The following TMEM175 variants were observed in gnomAD, a reference collection of about 807,000 sequenced individuals.
The protein encoded by TMEM175 is endosomal/lysosomal proton channel TMEM175.
Under a neutral mutation model 36.5 loss-of-function variants are expected in TMEM175, and 36 were observed. That is an observed-to-expected ratio of 0.99 (90% CI 0.76 to 1.30). The LOEUF (loss-of-function observed/expected upper bound fraction) is 1.30, where lower values mean the gene tolerates loss of function less well. Ranked by LOEUF, TMEM175 falls within the 50% of genes most tolerant of loss-of-function variation. TMEM175 has a pLI of 0.00. For missense variants in TMEM175, 705 were observed against 692.8 expected, an observed-to-expected ratio of 1.02 and a Z score of -0.20; for synonymous variants, 339 against 313.4, an observed-to-expected ratio of 1.08 and a Z score of -0.86.
At chr4:938,396 C>CAGA (rs930935686) in intron 1 of TMEM175, among the ~76,000 whole-genome samples, 19 of 152,074 alleles carry the variant, frequency 1.2e-4, no homozygotes, top group African/African-American at 4.6e-4. Context: ...CCCAGCCACT[C>CAGA]AGGAGGCTGA....
At position 948,152 on chromosome 4, in the gene TMEM175, C is replaced by T; in HGVS notation, c.190C>T (p.Gln64Ter). The T allele has an allele frequency of 3.1e-6, 5 of 1,614,192 alleles. No individual in the cohort carries two copies. Among genetic ancestry groups the T allele is most frequent in the Non-Finnish European group, 3.4e-6 (4 of 1,180,052 alleles). ...GACCCACACGGAGATCTCCCCAGAA[C>T]AGGTAACGGGGCAGGCTGTGCTCTG... ...PVTHTEISPEQQFDRSVQRLL... is the reference protein window; with the variant it reads ...PVTHTEISPE Residue 64 changes from glutamine (Q) to a stop codon, truncating the protein, a stop_gained and splice_region_variant, in exon 3 of 11, where the codon CAG (glutamine) becomes TAG (stop). Transcript: ENST00000264771. LOFTEE classifies it high-confidence loss of function.
chr4:941,106 A>C (rs201984576), intron 1 of TMEM175, among the ~76,000 whole-genome samples: 1 of 148,134 alleles, frequency 6.8e-6, no homozygotes, highest in Non-Finnish European at 1.5e-5. Flanking sequence ...GGCCGGGTGC[A>C]GTGGCTCACG....
chr4:950,716 C>T (rs35901562), intron 4 of TMEM175, among the ~76,000 whole-genome samples, 198 bp downstream of exon 4: 2,312 of 51,426 alleles, frequency 0.045, 27 homozygotes, highest in African/African-American at 0.088. Context: ...GAGGTGTGGA[C>T]GGTGCAGTAG....
chr4:939,528 C>G (rs1161264524), intron 1 of TMEM175, among the ~76,000 whole-genome samples: 1 of 152,164 alleles, frequency 6.6e-6, no homozygotes, highest in Non-Finnish European at 1.5e-5. Context: ...CCAGCCTGAC[C>G]AACATGGTGA....
chr4:949,684 C>T (rs930605225), intron 3 of TMEM175, among the ~76,000 whole-genome samples: 4 of 144,070 alleles, frequency 2.8e-5, no homozygotes, highest in East Asian at 1.9e-4. Context: ...TGGGAGCGTT[C>T]GTGGAGAAAG....
At chr4:938,611 C>T (rs1727081506) in intron 1 of TMEM175, among the ~76,000 whole-genome samples, 1 of 152,090 alleles carries the variant, frequency 6.6e-6, no homozygotes, top group Non-Finnish European at 1.5e-5. Flanking sequence ...TCTATTTCTA[C>T]GTACTAGCAA....
intron 6 of TMEM175, 26 bp downstream of exon 6, chr4:951,743 CCT>C: frequency 6.2e-7 from 1 of 1,612,944 alleles, no homozygotes; most frequent in Non-Finnish European, 8.5e-7. Context: ...CCCCTGACAC[CCT>C]GAGGCTTTGC....
chr4:956,733 C>T (rs538584748), intron 10 of TMEM175: 83 of 322,884 alleles, frequency 2.6e-4, no homozygotes, highest in African/African-American at 1.7e-3. Flanking sequence ...TGTAAGCCAC[C>T]GTGCCCGGCC....
chr4:933,240 C>CT (rs775200042), intron 1 of TMEM175, among the ~76,000 whole-genome samples: 9 of 152,078 alleles, frequency 5.9e-5, no homozygotes, highest in Non-Finnish European at 1.0e-4. Flanking sequence ...GGCGCGGTGG[C>CT]TTACACCTGT....
intron 10 of TMEM175, chr4:956,527 C>G: frequency 8.5e-7 from 1 of 1,179,716 alleles, no homozygotes; most frequent in East Asian, 5.8e-5. Context: ...ACTGCAACCT[C>G]CGCCTCCCAG....
Position 946,298 on chromosome 4 carries a change from C to T in TMEM175, c.-31-1411C>T, listed in dbSNP as rs192665067. On this transcript the variant is annotated intron_variant, in intron 1 of 10. Transcript: ENST00000264771. The stretch of plus-strand genomic sequence containing the variant: ...CACACTGCTGCCCTCTTCCCTGCTC[C>T]GGGGCACCTGGCTGCAGGTGGGGCT... 4.0e-3 allele frequency among the ~76,000 whole-genome samples: 614 copies of T among 152,350 alleles called. 6 individuals are homozygous for T. The highest frequency in any genetic ancestry group is 0.014 in the African/African-American group (571 of 41,566).
At chr4:939,033 G>A (rs564829489) in intron 1 of TMEM175, among the ~76,000 whole-genome samples, 31 of 152,254 alleles carry the variant, frequency 2.0e-4, no homozygotes, top group Admixed American at 9.2e-4. Context: ...GTAGAGGTAC[G>A]TGCCTGTAGT....
At chr4:956,764 T>C in intron 10 of TMEM175, 1 of 321,080 alleles carries the variant, frequency 3.1e-6, no homozygotes, top group South Asian at 2.5e-5. Context: ...TTGAATTTGC[T>C]TTTTTACATC....
chr4:941,044 AATAATG>A (rs980456755), intron 1 of TMEM175, among the ~76,000 whole-genome samples: 26 of 145,292 alleles, frequency 1.8e-4, no homozygotes, highest in Non-Finnish European at 2.5e-4. Context: ...TAATAATAAT[AATAATG>A]GGAGAAAGGG....
intron 1 of TMEM175, among the ~76,000 whole-genome samples, chr4:945,483 C>G (rs762105178): frequency 2.6e-5 from 4 of 152,188 alleles, no homozygotes; most frequent in African/African-American, 9.7e-5. Context: ...GCTGGCCTCT[C>G]TCCGTTTCAT....
intron 1 of TMEM175, among the ~76,000 whole-genome samples, chr4:938,459 G>A (rs1312520554): frequency 2.0e-5 from 3 of 151,994 alleles, no homozygotes; most frequent in Non-Finnish European, 2.9e-5. Flanking sequence ...AGCTGAGATC[G>A]CACCACTGTG....
At chr4:956,067 G>GGCAGCCCCTCCCTTCCCA (rs1729586997) in intron 10 of TMEM175, 177 bp downstream of exon 10, 1 of 786,416 alleles carries the variant, frequency 1.3e-6, no homozygotes, top group African/African-American at 3.3e-5. Context: ...CAACCTTCCC[G>GGCAGCCCCTCCCTTCCCA]GCGGCCCCTC....
At chr4:948,464 G>T in intron 3 of TMEM175, 3 of 1,465,000 alleles carry the variant, frequency 2.0e-6, no homozygotes, top group Non-Finnish European at 2.7e-6. Flanking sequence ...GAAGAGGAAG[G>T]TTCCGGGCCT....
chr4:958,168 C>CGGCGCTGCTGCACCAGGCGGA lies in TMEM175; in HGVS notation c.1189_1209dup (p.Ala397_Glu403dup), dbSNP rs1560504767. The CGGCGCTGCTGCACCAGGCGGA allele has an allele frequency of 1.4e-5, 22 of 1,603,260 alleles. No individual in the cohort carries two copies. The highest frequency in any genetic ancestry group is 1.8e-5 in the Non-Finnish European group (21 of 1,179,268). On this transcript the variant is annotated inframe_insertion, in exon 11 of 11. Coordinates refer to ENST00000264771, the MANE Select transcript of TMEM175 (RefSeq NM_032326.4). The stretch of plus-strand genomic sequence containing the variant: ...ATCTTCCAGCTGGCCATGTGGACCA[C>CGGCGCTGCTGCACCAGGCGGA]GGCGCTGCTGCACCAGGCGGAGACG...
Sources: gnomAD v4.1 joint callset for allele counts (sites outside exome capture counted in the v4.1 genomes callset) on GRCh38, gnomAD v4.1.1 for gene constraint, MANE v1.5 for transcripts, NCBI Gene and HGNC (gene_info 2026-07-23, HGNC 2026-07-21) for gene names.